HYDIN: variants seen among roughly 807,000 people sequenced by gnomAD.
The protein encoded by HYDIN is axonemal central pair apparatus protein HYDIN.
Under a neutral mutation model 403.9 loss-of-function variants are expected in HYDIN, and 132 were observed. The observed-to-expected ratio is 0.33, with a 90% CI of 0.28 to 0.38. The LOEUF (loss-of-function observed/expected upper bound fraction) is 0.38, where lower values mean the gene tolerates loss of function less well. Among genes scored for constraint, HYDIN ranks in the 10% least tolerant of loss-of-function variants. The probability of loss-of-function intolerance (pLI) is 1.00; values close to 1 mark genes in which losing one functional copy is unlikely to be tolerated. For missense variants in HYDIN, 2,827 were observed against 5,009.5 expected, an observed-to-expected ratio of 0.56 and a Z score of 13.15; for synonymous variants, 1,202 against 1,891.7, an observed-to-expected ratio of 0.64 and a Z score of 9.46.
intron 6 of HYDIN, among the ~76,000 whole-genome samples, chr16:71,158,278 C>G (rs2085856816): frequency 6.6e-6 from 1 of 152,228 alleles, no homozygotes; most frequent in East Asian, 1.9e-4. Context: ...AGTAAAATGG[C>G]AATGCTGGGC....
Position 71,230,656 on chromosome 16 carries a change from A to C in HYDIN, c.-118T>G. The C allele has an allele frequency of 6.5e-7, 1 of 1,536,036 alleles. No homozygotes were observed. Among genetic ancestry groups the C allele is most frequent in the African/African-American group, 1.4e-5 (1 of 73,154 alleles). On this transcript the variant is annotated 5_prime_UTR_variant, in exon 1 of 86. An upstream start codon of the reference 5' UTR is lost. Transcript: ENST00000393567. The stretch of plus-strand genomic sequence containing the variant: ...GACCCCGCCGCCGCTGAGGGGCTCC[A>C]TACCCAGCTTGAAGCCGCCCGCACT...
At chr16:71,205,999 T>C (rs1054945633) in intron 1 of HYDIN, among the ~76,000 whole-genome samples, 1 of 152,188 alleles carries the variant, frequency 6.6e-6, no homozygotes, top group South Asian at 2.1e-4. Context: ...TGCAGCCCTA[T>C]GTCTCCCTGA....
At chr16:71,127,551 C>A (rs1243460907) in intron 9 of HYDIN, among the ~76,000 whole-genome samples, 1 of 146,626 alleles carries the variant, frequency 6.8e-6, no homozygotes, top group Admixed American at 6.8e-5. Flanking sequence ...TGGAAGGAAA[C>A]ATAAGGAGAA....
Position 71,230,547 on chromosome 16 carries a change from G to T in HYDIN, c.-24+15C>A, listed in dbSNP as rs1220720508. 1.9e-5 allele frequency: 29 copies of T among 1,528,114 alleles called. No homozygotes were observed. The African/African-American group carries it at 3.7e-4, about 19-fold the overall frequency. The allele number at this position is 1,528,114 out of a possible 1,614,324, so 94.7% of individuals were successfully genotyped here. ...CTCACACTTTGACCCCACAATCTCT[G>T]CGAGGACCTCTGACCTTGGTGCACT... is the stretch of plus-strand genomic sequence containing the variant. On this transcript the variant is annotated intron_variant, in intron 1 of 85. Transcript: ENST00000393567.
intron 18 of HYDIN, among the ~76,000 whole-genome samples, chr16:71,055,174 G>A (rs1458993197): frequency 3.9e-5 from 6 of 152,296 alleles, no homozygotes; most frequent in South Asian, 2.1e-4. Context: ...AAAGTTAGGC[G>A]GTTCATTAGC....
intron 10 of HYDIN, among the ~76,000 whole-genome samples, chr16:71,113,042 G>A (rs980286410): frequency 1.3e-5 from 2 of 150,360 alleles, no homozygotes; most frequent in Non-Finnish European, 1.5e-5. Context: ...GATTTTGGTG[G>A]TTATATGACT....
At chr16:71,051,662 A>AAAAC (rs2081650607) in intron 18 of HYDIN, among the ~76,000 whole-genome samples, 5 of 112,200 alleles carry the variant, frequency 4.5e-5, no homozygotes, top group South Asian at 3.0e-4. Context: ...AAAAAAAACA[A>AAAAC]AAAAAACAAA....
rs145764086 is a variant in HYDIN at position 71,011,544 on chromosome 16, AAAACAAACAAAC to A, written c.3644+6573_3644+6584del. 4.8e-4 allele frequency among the ~76,000 whole-genome samples: 67 copies of A among 139,464 alleles called. No individual in the cohort carries two copies. The East Asian group carries it at 0.013, about 26-fold the overall frequency. 91.5% of individuals were successfully genotyped at this position (139,464 alleles called of 152,430 possible). On this transcript the variant is annotated intron_variant, in intron 23 of 85. Transcript: ENST00000393567. ...AAACATAGAAAGACCCTGTCTCTAC[AAAACAAACAAAC>A]AAACAAACAAAAAACAACAAAAAAA... is the stretch of plus-strand genomic sequence containing the variant.
chr16:70,980,678 T>C (rs1175492539), intron 29 of HYDIN, among the ~76,000 whole-genome samples: 1 of 151,792 alleles, frequency 6.6e-6, no homozygotes, highest in Admixed American at 6.6e-5. Flanking sequence ...GAGGACTTAG[T>C]CTGAAGCTTT....
chr16:70,831,623 T>G (rs1450147583), intron 80 of HYDIN, among the ~76,000 whole-genome samples: 2 of 124,254 alleles, frequency 1.6e-5, no homozygotes, highest in African/African-American at 6.4e-5. Context: ...TGGAGCCAAG[T>G]GAAGGAAGTG....
At chr16:70,944,669 A>G (rs1420999944) in intron 41 of HYDIN, among the ~76,000 whole-genome samples, 2 of 152,238 alleles carry the variant, frequency 1.3e-5, no homozygotes, top group Non-Finnish European at 2.9e-5. Flanking sequence ...CTTGTAGCCC[A>G]TGGTCAGCAA....
intron 10 of HYDIN, among the ~76,000 whole-genome samples, chr16:71,105,340 G>T (rs919759179): frequency 1.3e-5 from 2 of 151,374 alleles, no homozygotes; most frequent in Admixed American, 1.3e-4. Flanking sequence ...ATTCCAAAAG[G>T]AGAAATTTGA....
At chr16:70,941,483 T>C (rs903116612) in intron 43 of HYDIN, 153 bp downstream of exon 43, 9 of 486,374 alleles carry the variant, frequency 1.9e-5, no homozygotes, top group Non-Finnish European at 2.8e-5. Flanking sequence ...GCGTTCATCA[T>C]AGAACTTCCC....
intron 19 of HYDIN, among the ~76,000 whole-genome samples, chr16:71,030,159 T>C (rs2080852536): frequency 6.6e-6 from 1 of 152,166 alleles, no homozygotes; most frequent in African/African-American, 2.4e-5. Flanking sequence ...CAAGCAATCC[T>C]CTCACCTCAG....
intron 45 of HYDIN, among the ~76,000 whole-genome samples, chr16:70,921,625 G>C (rs2076998048): frequency 1.3e-5 from 2 of 152,174 alleles, no homozygotes; most frequent in South Asian, 4.1e-4. Flanking sequence ...TGGTAGCTGT[G>C]ACCCTGGGAG....
At chr16:71,038,677 T>C (rs2081181441) in intron 18 of HYDIN, among the ~76,000 whole-genome samples, 1 of 152,292 alleles carries the variant, frequency 6.6e-6, no homozygotes, top group African/African-American at 2.4e-5. Context: ...AAAATTTCTT[T>C]TGAGAAGAAG....
intron 1 of HYDIN, among the ~76,000 whole-genome samples, chr16:71,217,783 C>T (rs960861435): frequency 2.0e-5 from 3 of 152,214 alleles, no homozygotes; most frequent in East Asian, 1.9e-4. Flanking sequence ...TCCAAGGTTT[C>T]ATCTGCGAAC....
intron 84 of HYDIN, among the ~76,000 whole-genome samples, chr16:70,813,077 T>C (rs961176277): frequency 1.6e-4 from 24 of 151,660 alleles, no homozygotes; most frequent in African/African-American, 5.8e-4. Context: ...CTCACCCTCC[T>C]GAGTAGCTAG....
intron 29 of HYDIN, among the ~76,000 whole-genome samples, chr16:70,980,826 G>C (rs551657671): frequency 6.6e-6 from 1 of 152,304 alleles, no homozygotes; most frequent in African/African-American, 2.4e-5. Context: ...CTCAGCTGAG[G>C]TTCGGAATCT....
Sources: gnomAD v4.1 joint callset for allele counts (sites outside exome capture counted in the v4.1 genomes callset) on GRCh38, gnomAD v4.1.1 for gene constraint, MANE v1.5 for transcripts, NCBI Gene and HGNC (gene_info 2026-07-23, HGNC 2026-07-21) for gene names.